The following DACH2 variants were observed in gnomAD, a reference collection of about 807,000 sequenced individuals.
The protein encoded by DACH2 is dachshund homolog 2.
In DACH2, 17 loss-of-function variants were observed where a neutral mutation model predicts 35.8. The ratio of observed to expected loss-of-function variants is 0.48; its 90% CI spans 0.33 to 0.71. The LOEUF (loss-of-function observed/expected upper bound fraction) is 0.71. Ranked by LOEUF, DACH2 falls within the 30% of genes least tolerant of loss-of-function variation. The probability of loss-of-function intolerance (pLI) is 0.02; values close to 1 mark genes in which losing one functional copy is unlikely to be tolerated. For synonymous variants in DACH2, 195 were observed against 177.3 expected, an observed-to-expected ratio of 1.10 and a Z score of -0.79; for missense variants, 469 against 472.7, an observed-to-expected ratio of 0.99 and a Z score of 0.07.
At chrX:86,548,608 G>A (rs956811777) in intron 3 of DACH2, among the ~76,000 whole-genome samples, 5 of 111,717 alleles carry the variant, frequency 4.5e-5, no homozygotes, top group Non-Finnish European at 9.4e-5. Context: ...AAGCTGGGGA[G>A]TATTTATTCA....
intron 2 of DACH2, among the ~76,000 whole-genome samples, chrX:86,380,721 A>C (rs2036033687): frequency 1.8e-5 from 2 of 110,448 alleles, no homozygotes; most frequent in Admixed American, 1.9e-4. Flanking sequence ...ATGAAAGATG[A>C]CCACTAATCC....
intron 2 of DACH2, among the ~76,000 whole-genome samples, chrX:86,455,075 C>G (rs1321375637): frequency 1.8e-5 from 2 of 110,600 alleles, no homozygotes; most frequent in Non-Finnish European, 3.8e-5. Flanking sequence ...ACCCCAGTTG[C>G]CTCATTTTTT....
intron 2 of DACH2, among the ~76,000 whole-genome samples, chrX:86,447,170 A>T (rs1293113813): frequency 1.3e-4 from 13 of 98,077 alleles, no homozygotes; most frequent in Non-Finnish European, 2.0e-5. Context: ...AATTTGTTTG[A>T]GTTCATTGTA....
chrX:86,246,804 A>T (rs66623946), intron 1 of DACH2, among the ~76,000 whole-genome samples: 9,464 of 111,314 alleles, frequency 0.085, 1,028 homozygotes, highest in African/African-American at 0.29. Flanking sequence ...TAACAGTGTG[A>T]TAGGATGAAG....
intron 2 of DACH2, among the ~76,000 whole-genome samples, chrX:86,465,517 G>T (rs769177403): frequency 9.0e-6 from 1 of 111,549 alleles, no homozygotes; most frequent in Non-Finnish European, 1.9e-5. Context: ...GTGGAATTTT[G>T]ACAATCTGGA....
At chrX:86,226,957 A>T (rs1485849505) in intron 1 of DACH2, among the ~76,000 whole-genome samples, 1 of 111,427 alleles carries the variant, frequency 9.0e-6, no homozygotes, top group Non-Finnish European at 1.9e-5. Context: ...AAAATACCTT[A>T]TTTTTTGAAA....
intron 2 of DACH2, among the ~76,000 whole-genome samples, chrX:86,455,935 A>G (rs930950385): frequency 8.9e-6 from 1 of 112,048 alleles, no homozygotes; most frequent in African/African-American, 3.2e-5. Flanking sequence ...GAGACTCCAC[A>G]CAGCTTTTTG....
intron 4 of DACH2, among the ~76,000 whole-genome samples, chrX:86,667,305 A>AAAGAAGGAAGGAAG (rs2040684929): frequency 5.9e-5 from 2 of 33,935 alleles, no homozygotes; most frequent in Non-Finnish European, 9.9e-5. Flanking sequence ...AAGGAAGGAA[A>AAAGAAGGAAGGAAG]GAAGGAAGGA....
chrX:86,322,457 C>A (rs1468178524), intron 1 of DACH2, among the ~76,000 whole-genome samples: 1 of 111,113 alleles, frequency 9.0e-6, no homozygotes, highest in African/African-American at 3.3e-5. Flanking sequence ...GGTGCCCCCA[C>A]CGACGGTTCT....
intron 1 of DACH2, among the ~76,000 whole-genome samples, chrX:86,204,054 A>T (rs770095072): frequency 2.7e-5 from 3 of 111,823 alleles, no homozygotes; most frequent in Non-Finnish European, 5.6e-5. Context: ...ACATCAAATT[A>T]AGCAGAAGTG....
chrX:86,570,512 C>T (rs947915476), intron 3 of DACH2, among the ~76,000 whole-genome samples: 10 of 111,168 alleles, frequency 9.0e-5, no homozygotes, highest in Non-Finnish European at 1.1e-4. Flanking sequence ...ACCACCTGTT[C>T]TCACTTATAA....
intron 5 of DACH2, among the ~76,000 whole-genome samples, chrX:86,698,514 G>GGTTTTTTTT (rs2041093654): frequency 2.9e-5 from 1 of 34,343 alleles, no homozygotes; most frequent in Non-Finnish European, 4.9e-5. Context: ...TGTTTTGTTA[G>GGTTTTTTTT]TTTTGTGTTT....
chrX:86,190,681 A>C (rs1419152887), intron 1 of DACH2, among the ~76,000 whole-genome samples: 5 of 112,322 alleles, frequency 4.5e-5, no homozygotes, highest in Non-Finnish European at 9.4e-5. Flanking sequence ...GCGGTGGCTC[A>C]CGCCTGTAAT....
intron 2 of DACH2, among the ~76,000 whole-genome samples, chrX:86,428,137 AG>A (rs766179456): frequency 4.5e-5 from 5 of 111,925 alleles, no homozygotes; most frequent in African/African-American, 1.3e-4. Flanking sequence ...GCACAAAATT[AG>A]GAAAATAGGT....
intron 1 of DACH2, among the ~76,000 whole-genome samples, chrX:86,341,585 A>C (rs771913264): frequency 1.2e-4 from 13 of 112,388 alleles, no homozygotes; most frequent in Non-Finnish European, 2.3e-4. Context: ...TCGATGTTCA[A>C]GTCTCTTTTT....
chrX:86,197,206 AATG>A (rs1396051194), intron 1 of DACH2, among the ~76,000 whole-genome samples: 1 of 111,680 alleles, frequency 9.0e-6, no homozygotes, highest in Non-Finnish European at 1.9e-5. Flanking sequence ...CAGACAAACA[AATG>A]ATGAGGGAAA....
intron 1 of DACH2, among the ~76,000 whole-genome samples, chrX:86,274,403 G>A (rs775899583): frequency 6.8e-5 from 7 of 102,923 alleles, no homozygotes; most frequent in Non-Finnish European, 1.2e-4. Flanking sequence ...GATTTAAGTT[G>A]TAACATTGTC....
chrX:86,390,185 TA>T (rs11444467), intron 2 of DACH2, among the ~76,000 whole-genome samples: 5 of 110,475 alleles, frequency 4.5e-5, no homozygotes, highest in Admixed American at 1.9e-4. Flanking sequence ...TGTCTCTGGT[TA>T]AAAAAAAACA....
chrX:86,165,243 C>G (rs904102610), intron 1 of DACH2, among the ~76,000 whole-genome samples: 3 of 111,432 alleles, frequency 2.7e-5, no homozygotes, highest in African/African-American at 9.7e-5. Context: ...ATGGAACTTA[C>G]GTTGCTTCCA....
Sources: allele counts gnomAD v4.1 joint callset (sites outside exome capture counted in the v4.1 genomes callset), GRCh38; gene constraint gnomAD v4.1.1; transcripts MANE v1.5; gene names NCBI Gene and HGNC (gene_info 2026-07-23, HGNC 2026-07-21).